ITGAM: variants seen among roughly 807,000 people sequenced by gnomAD.
The protein encoded by ITGAM is integrin subunit alpha M.
In ITGAM, 79 loss-of-function variants were observed where a neutral mutation model predicts 137.5. The observed-to-expected ratio is 0.57, with a 90% CI of 0.48 to 0.69. The LOEUF (loss-of-function observed/expected upper bound fraction) is 0.69. Among genes scored for constraint, ITGAM ranks in the 30% least tolerant of loss-of-function variants. The pLI is 0.00. For synonymous variants in ITGAM, 583 were observed against 592.3 expected (o/e 0.98, Z 0.23); for missense variants, 1,343 against 1,483.5 (o/e 0.91, Z 1.56).
chr16:31,323,848 A>G (rs1051382643), intron 16 of ITGAM, among the ~76,000 whole-genome samples: 1 of 152,058 alleles, frequency 6.6e-6, no homozygotes, highest in Non-Finnish European at 1.5e-5. Flanking sequence ...CCCCATCTCT[A>G]CTAAAAATAC....
intron 14 of ITGAM, among the ~76,000 whole-genome samples, chr16:31,311,242 A>C (rs2080326921): frequency 6.6e-6 from 1 of 152,240 alleles, no homozygotes. Flanking sequence ...TTCATGTCTA[A>C]AACATCGAAA....
At chr16:31,317,042 A>T (rs939957276) in intron 14 of ITGAM, among the ~76,000 whole-genome samples, 3 of 152,142 alleles carry the variant, frequency 2.0e-5, no homozygotes, top group Admixed American at 1.3e-4. Context: ...TCAATTGCAA[A>T]CAGGGACAAT....
At chr16:31,316,274 G>GCTACT (rs536446230) in intron 14 of ITGAM, among the ~76,000 whole-genome samples, 124 of 144,798 alleles carry the variant, frequency 8.6e-4, no homozygotes, top group Non-Finnish European at 1.5e-3. Flanking sequence ...TGTAGTTCCA[G>GCTACT]CTACTCGGGA....
In ITGAM at chr16:31,271,978, C is replaced by A. The variant is rs752512989; in HGVS notation, c.690C>A (p.Gly230=). 1 of 1,613,876 alleles carries A rather than the reference C, an allele frequency of 6.2e-7. No homozygotes were observed. Among genetic ancestry groups the A allele is most frequent in the Non-Finnish European group, 8.5e-7 (1 of 1,179,904 alleles). The part of the protein sequence containing the change: ...QLLGRTHTAT[G]IRKVVRELFN... ...TTGGGCGGACACACACGGCCACGGG[C>A]ATCCGCAAAGTGGTGTAAGCTTCCC... Residue 230 remains glycine (G), a synonymous_variant, in exon 7 of 30, where the codon GGC becomes GGA. Transcript: ENST00000544665.
intron 8 of ITGAM, 62 bp downstream of exon 8, chr16:31,273,580 C>T (rs2079875726): frequency 6.6e-7 from 1 of 1,520,450 alleles, no homozygotes; most frequent in Non-Finnish European, 9.0e-7. Context: ...ATCCATCCTC[C>T]CTTCAATTTG....
At chr16:31,264,825 G>A (rs1197078508) in intron 2 of ITGAM, among the ~76,000 whole-genome samples, 1 of 152,196 alleles carries the variant, frequency 6.6e-6, no homozygotes. Flanking sequence ...AAAGGCATGA[G>A]CCATGGTGCC....
chr16:31,288,760 G>C (rs1247806873), intron 12 of ITGAM, among the ~76,000 whole-genome samples: 3 of 152,160 alleles, frequency 2.0e-5, no homozygotes, highest in African/African-American at 7.2e-5. Flanking sequence ...TGACAAATGG[G>C]ATCTAATTAA....
intron 14 of ITGAM, among the ~76,000 whole-genome samples, chr16:31,298,366 G>A (rs2080160598): frequency 6.6e-6 from 1 of 152,100 alleles, no homozygotes; most frequent in Admixed American, 6.5e-5. Flanking sequence ...GAGTGACAGA[G>A]TCAGACTTGC....
intron 14 of ITGAM, among the ~76,000 whole-genome samples, chr16:31,315,779 T>G (rs910007242): frequency 6.6e-6 from 1 of 152,076 alleles, no homozygotes; most frequent in African/African-American, 2.4e-5. Flanking sequence ...GATTTTTGTA[T>G]TTGGTTTGAG....
Position 31,331,884 on chromosome 16 carries a change from AGT to A in ITGAM, c.*183_*184del, listed in dbSNP as rs1243739180. 7 of 557,174 alleles carry A rather than the reference AGT, an allele frequency of 1.3e-5. No individual in the cohort carries two copies. The highest frequency in any genetic ancestry group is 8.7e-5 in the African/African-American group (4 of 45,796). 34.5% of individuals were successfully genotyped at this position (557,174 alleles called of 1,614,324 possible). A position where few individuals can be genotyped will look rare whatever the true frequency, so the allele number is the denominator to read the frequency against. On this transcript the variant is annotated 3_prime_UTR_variant, in exon 30 of 30. Transcript: ENST00000544665. The stretch of plus-strand genomic sequence containing the variant: ...GCGTGTGTGCAAGTGTCTGTGTGCA[AGT>A]GTGTGCACATGTGTGCGTGTGCGTG...
At chr16:31,288,156 G>A (rs1031956701) in intron 12 of ITGAM, among the ~76,000 whole-genome samples, 1 of 152,018 alleles carries the variant, frequency 6.6e-6, no homozygotes, top group Non-Finnish European at 1.5e-5. Flanking sequence ...GAGGGAGAGA[G>A]AATGGAATGG....
At chr16:31,293,391 G>T (rs2080105223) in intron 12 of ITGAM, among the ~76,000 whole-genome samples, 1 of 152,134 alleles carries the variant, frequency 6.6e-6, no homozygotes, top group Admixed American at 6.5e-5. Flanking sequence ...TTACATTTAA[G>T]TCTTTAGTCT....
In ITGAM at chr16:31,324,585, T is replaced by C. The variant is rs41476751; in HGVS notation, c.2157+32T>C. The C allele has an allele frequency of 0.17, 281,307 of 1,609,304 alleles. 32,816 individuals are homozygous for C. The highest frequency in any genetic ancestry group is 0.58 in the African/African-American group (43,286 of 74,880). On this transcript the variant is annotated intron_variant, in intron 17 of 29. Transcript: ENST00000544665. The surrounding 1 kb of genome is among the most constrained non-coding windows in gnomAD (Gnocchi z 4.5). ...AGGCTAGTGGCCAGACCCCTGGGTCTTCCAAGCATGGAGTGGGCTTGGGGA... is the reference window on the plus strand; with the variant it reads ...AGGCTAGTGGCCAGACCCCTGGGTCCTCCAAGCATGGAGTGGGCTTGGGGA...
At chr16:31,284,807 G>A (rs2080010500) in intron 12 of ITGAM, among the ~76,000 whole-genome samples, 1 of 152,030 alleles carries the variant, frequency 6.6e-6, no homozygotes, top group African/African-American at 2.4e-5. Flanking sequence ...CGTCACTCAC[G>A]CTGGGAGCTG....
intron 14 of ITGAM, 102 bp from the exon 15 acceptor site, chr16:31,321,139 A>C: frequency 4.6e-6 from 6 of 1,310,690 alleles, no homozygotes; most frequent in Non-Finnish European, 6.4e-6. Context: ...AGACTTGAGT[A>C]GAGCTTAGAG....
At chr16:31,275,792 T>C (rs1015930296) in intron 9 of ITGAM, 93 bp downstream of exon 9, 80 of 1,269,370 alleles carry the variant, frequency 6.3e-5, no homozygotes, top group Non-Finnish European at 5.5e-6. Context: ...TTCCTAACCC[T>C]TGGTATCCCC....
In ITGAM at chr16:31,324,673, G is replaced by A. The variant is rs757491512; in HGVS notation, c.2180G>A (p.Ser727Asn). 6 of 1,601,372 alleles carry A rather than the reference G, an allele frequency of 3.7e-6. No homozygotes were observed. The highest frequency in any genetic ancestry group is 4.3e-6 in the Non-Finnish European group (5 of 1,173,894). The change falls in exon 18 of 30, where the codon AGC (serine) becomes AAC (asparagine). Residue 727 changes from serine (S) to asparagine (N), a missense_variant. Coordinates refer to ENST00000544665, the MANE Select transcript of ITGAM (RefSeq NM_000632.4). The surrounding 1 kb of genome is among the most constrained non-coding windows in gnomAD (Gnocchi z 4.5). ...TAGAATTGCATCGAGGACCCAGTGAGCCCCATTGTGCTGCGCCTGAACTTC... is the reference window on the plus strand; with the variant it reads ...TAGAATTGCATCGAGGACCCAGTGAACCCCATTGTGCTGCGCCTGAACTTC... ...QLPNCIEDPV[S>N]PIVLRLNFSL...
intron 5 of ITGAM, among the ~76,000 whole-genome samples, chr16:31,270,137 G>GCTTTCCTTTCCTTTC (rs796696322): frequency 0.086 from 7,564 of 87,918 alleles, 466 homozygotes; most frequent in Admixed American, 0.15. Flanking sequence ...TTCCTCCTTT[G>GCTTTCCTTTCCTTTC]CTTTCCTTTC....
In ITGAM at chr16:31,324,578, C is replaced by T. The variant is rs779785213; in HGVS notation, c.2157+25C>T. On this transcript the variant is annotated intron_variant, in intron 17 of 29. Coordinates refer to ENST00000544665, the MANE Select transcript of ITGAM (RefSeq NM_000632.4). The surrounding 1 kb of genome is among the most constrained non-coding windows in gnomAD (Gnocchi z 4.5). ...GGTGAGCAGGCTAGTGGCCAGACCCCTGGGTCTTCCAAGCATGGAGTGGGC... is the reference window on the plus strand; with the variant it reads ...GGTGAGCAGGCTAGTGGCCAGACCCTTGGGTCTTCCAAGCATGGAGTGGGC... 2.5e-6 allele frequency: 4 copies of T among 1,610,152 alleles called. No homozygotes were observed. The South Asian group carries it at 4.4e-5, about 18-fold the overall frequency.
Sources: gnomAD v4.1 joint callset for allele counts (sites outside exome capture counted in the v4.1 genomes callset) on GRCh38, gnomAD v4.1.1 for gene constraint, Gnocchi (gnomAD v3.1) non-coding constraint, MANE v1.5 for transcripts, NCBI Gene and HGNC (gene_info 2026-07-23, HGNC 2026-07-21) for gene names.